MRTFA: variants seen among roughly 807,000 people sequenced by gnomAD.
MRTFA encodes the protein myocardin-related transcription factor A.
Under a neutral mutation model 83.5 loss-of-function variants are expected in MRTFA, and 20 were observed. The observed-to-expected ratio is 0.24, with a 90% CI of 0.17 to 0.35. MRTFA has a LOEUF of 0.35. Among genes scored for constraint, MRTFA ranks in the 10% least tolerant of loss-of-function variants. The pLI, the probability that MRTFA is intolerant of heterozygous loss-of-function variation, is 1.00. For missense variants in MRTFA, 1,200 were observed against 1,224.7 expected (o/e 0.98, Z 0.30); for synonymous variants, 659 against 541.2 (o/e 1.22, Z -3.02).
At chr22:40,460,818 A>C (rs890657781) in intron 4 of MRTFA, among the ~76,000 whole-genome samples, 1 of 152,198 alleles carries the variant, frequency 6.6e-6, no homozygotes, top group Admixed American at 6.5e-5. Flanking sequence ...AAGACAGCAT[A>C]ATGTAGGTAA....
At chr22:40,442,973 G>A (rs1219608176) in intron 4 of MRTFA, among the ~76,000 whole-genome samples, 1 of 152,226 alleles carries the variant, frequency 6.6e-6, no homozygotes, top group East Asian at 1.9e-4. Flanking sequence ...TAATGGGCTA[G>A]GCACAGTGGC....
In MRTFA at chr22:40,539,664, G is replaced by A. The variant is rs1011093086; in HGVS notation, c.241+12442C>T. Among the ~76,000 whole-genome samples, 5 of 151,538 alleles carry A rather than the reference G, an allele frequency of 3.3e-5. No individual in the cohort carries two copies. In the East Asian group the frequency reaches 9.9e-4, roughly 30 times the overall value. ...ATTACAGGCACACACCACCACGCCT[G>A]GCTAATTTTTGTATTTTTAATAAAG... On this transcript the variant is annotated intron_variant, in intron 3 of 14. Transcript: ENST00000355630.
rs116047464 is a variant in MRTFA at position 40,563,891 on chromosome 22, G to C, written c.-21-11524C>G. On this transcript the variant is annotated intron_variant, in intron 2 of 14. Transcript: ENST00000355630. ...GCAAATTAATATGGCAGTGGAGTTA[G>C]ACTGGATTGGAAAAAAGAAATATGC... Among the ~76,000 whole-genome samples, 926 of 152,310 alleles carry C rather than the reference G, an allele frequency of 6.1e-3. 7 individuals are homozygous for C. Among genetic ancestry groups the C allele is most frequent in the African/African-American group, 0.021 (886 of 41,560 alleles).
chr22:40,460,465 T>C (rs1448898495), intron 4 of MRTFA, among the ~76,000 whole-genome samples: 1 of 152,234 alleles, frequency 6.6e-6, no homozygotes, highest in African/African-American at 2.4e-5. Context: ...GTGTCAGCAC[T>C]GAATTGCTCT....
chr22:40,425,877 C>T (rs1052325593), intron 7 of MRTFA, among the ~76,000 whole-genome samples: 4 of 152,144 alleles, frequency 2.6e-5, no homozygotes, highest in African/African-American at 9.7e-5. Flanking sequence ...AGGCCAGGGT[C>T]ACTACAGACT....
chr22:40,602,993 C>G (rs781644587), intron 1 of MRTFA, among the ~76,000 whole-genome samples: 1 of 152,176 alleles, frequency 6.6e-6, no homozygotes, highest in African/African-American at 2.4e-5. Flanking sequence ...GTACTTAATC[C>G]TTTAAAATAT....
Position 40,596,442 on chromosome 22 carries a change from G to A in MRTFA, c.-83-1707C>T, listed in dbSNP as rs192322004. 9.2e-5 allele frequency among the ~76,000 whole-genome samples: 14 copies of A among 152,284 alleles called. No homozygotes were observed. The East Asian group carries it at 2.1e-3, about 23-fold the overall frequency. On this transcript the variant is annotated intron_variant, in intron 1 of 14. Transcript: ENST00000355630. ...CTATGAAAAGGCCAGCACTTCGGGA[G>A]GCCAGGGTGGGAGGATCACTTGAGG...
At chr22:40,429,308 A>G (rs1798028638) in intron 7 of MRTFA, 7 of 610,734 alleles carry the variant, frequency 1.1e-5, no homozygotes, top group Admixed American at 2.8e-5. Flanking sequence ...CCTGACATCT[A>G]TCTACTCTGT....
chr22:40,411,476 G>T lies in MRTFA; in HGVS notation c.3010C>A (p.Pro1004Thr). 6.2e-7 allele frequency: 1 copy of T among 1,608,394 alleles called. No individual in the cohort carries two copies. The highest frequency in any genetic ancestry group is 8.5e-7 in the Non-Finnish European group (1 of 1,175,540). ...AGGCTGGGGGCTGTGGTGCTGAGGG[G>T]GGCTAGGCTCAGCACGGGACCACCT... Residue 1004 changes from proline (P) to threonine (T), a missense_variant, in exon 15 of 15, where the codon CCC (proline) becomes ACC (threonine). By Grantham distance (38) the Pro-to-Thr change is conservative. Transcript: ENST00000355630.
At chr22:40,472,933 T>C (rs530441724) in intron 3 of MRTFA, among the ~76,000 whole-genome samples, 2 of 152,288 alleles carry the variant, frequency 1.3e-5, no homozygotes, top group East Asian at 3.9e-4. Context: ...GGAGAGAAAT[T>C]TCATTTTCCA....
Position 40,418,433 on chromosome 22 carries a change from G to A in MRTFA, c.2305C>T (p.Leu769Phe), listed in dbSNP as rs781167888. ...TCTGCATTCTTATTGGTCACGGTGA[G>A]GACAAGGTGGGTCCCTGTGGAGTCG... Residue 769 changes from leucine to phenylalanine, a missense_variant, in exon 12 of 15, where the codon CTC becomes TTC. By Grantham distance (22) the Leu-to-Phe change is conservative. Around this residue, in one of 2 missense-constraint regions of MRTFA, gnomAD observed 1,107 missense variants for 1,041.8 expected, o/e 1.06. Transcript: ENST00000355630. 6.2e-7 allele frequency: 1 copy of A among 1,614,070 alleles called. No individual in the cohort carries two copies. Among genetic ancestry groups the A allele is most frequent in the Non-Finnish European group, 8.5e-7 (1 of 1,179,956 alleles).
chr22:40,587,827 T>C (rs891965475), intron 2 of MRTFA: 4 of 357,594 alleles, frequency 1.1e-5, no homozygotes, highest in African/African-American at 2.2e-5. Context: ...TCTGACGACC[T>C]GCTAATTCAC....
At chr22:40,617,726 C>A (rs376136156) in intron 1 of MRTFA, among the ~76,000 whole-genome samples, 819 of 121,250 alleles carry the variant, frequency 6.8e-3, no homozygotes, top group African/African-American at 8.0e-3. Context: ...GACTCTGTCT[C>A]AAAAAAAAAA....
At chr22:40,552,917 TC>T (rs1732345029) in intron 2 of MRTFA, among the ~76,000 whole-genome samples, 1 of 152,196 alleles carries the variant, frequency 6.6e-6, no homozygotes, top group African/African-American at 2.4e-5. Flanking sequence ...GTTTGGAACT[TC>T]CTAGAGACCT....
chr22:40,630,590 G>A (rs2056631535), intron 1 of MRTFA, among the ~76,000 whole-genome samples: 1 of 152,204 alleles, frequency 6.6e-6, no homozygotes, highest in Non-Finnish European at 1.5e-5. Context: ...TCATTAGGAA[G>A]ATCACTACTG....
At chr22:40,498,266 T>TAC (rs2054391692) in intron 3 of MRTFA, among the ~76,000 whole-genome samples, 1 of 96,140 alleles carries the variant, frequency 1.0e-5, no homozygotes, top group African/African-American at 4.5e-5. Context: ...TATATATATA[T>TAC]ATATATATTT....
intron 3 of MRTFA, among the ~76,000 whole-genome samples, chr22:40,496,372 G>C (rs554596073): frequency 5.8e-4 from 83 of 143,740 alleles, no homozygotes; most frequent in Middle Eastern, 3.8e-3. Context: ...ATGCACAGGA[G>C]AGAGTAGAAG....
At chr22:40,446,498 G>A (rs2053380994) in intron 4 of MRTFA, among the ~76,000 whole-genome samples, 1 of 152,148 alleles carries the variant, frequency 6.6e-6, no homozygotes. Flanking sequence ...CATGAAGAGA[G>A]CCCACCCAGC....
chr22:40,438,701 T>A (rs1225139204), intron 4 of MRTFA, among the ~76,000 whole-genome samples: 1 of 152,218 alleles, frequency 6.6e-6, no homozygotes, highest in East Asian at 1.9e-4. Flanking sequence ...TTACAGTGTA[T>A]TGTTAAAATT....
Sources: gnomAD v4.1 joint callset for allele counts (sites outside exome capture counted in the v4.1 genomes callset) on GRCh38, gnomAD v4.1.1 for gene constraint, gnomAD v4.1.1 regional missense constraint, MANE v1.5 for transcripts, NCBI Gene and HGNC (gene_info 2026-07-23, HGNC 2026-07-21) for gene names.